Variants in CHRM3 observed in about 807,000 individuals in gnomAD.
The protein encoded by CHRM3 is muscarinic acetylcholine receptor M3.
In CHRM3, 11 loss-of-function variants were observed where a neutral mutation model predicts 41.8. That is an observed-to-expected ratio of 0.26 (90% confidence interval 0.17 to 0.44). The LOEUF (loss-of-function observed/expected upper bound fraction) is 0.44, where lower values mean the gene tolerates loss of function less well. CHRM3 is among the 20% of genes least tolerant of loss of function. CHRM3 has a pLI of 1.00. For missense variants in CHRM3, 571 were observed against 745.4 expected (o/e 0.77, Z 2.72); for synonymous variants, 297 against 301.4 (o/e 0.99, Z 0.15).
chr1:239,795,706 C>A (rs1290429780), intron 5 of CHRM3, among the ~76,000 whole-genome samples: 3 of 152,144 alleles, frequency 2.0e-5, no homozygotes, highest in Non-Finnish European at 4.4e-5. Flanking sequence ...ACTGTCACCT[C>A]AAAATTAGGA....
At chr1:239,786,039 T>G (rs758343274) in intron 5 of CHRM3, among the ~76,000 whole-genome samples, 1 of 152,200 alleles carries the variant, frequency 6.6e-6, no homozygotes, top group Non-Finnish European at 1.5e-5. Context: ...AAACATATTA[T>G]CTCAAGTTAT....
chr1:239,403,976 G>GGGGAGAGAGA lies in CHRM3; in HGVS notation c.-521+16750_-521+16751insGGAGAGAGAG, dbSNP rs1417317293. 6.0e-4 allele frequency among the ~76,000 whole-genome samples: 28 copies of GGGGAGAGAGA among 46,504 alleles called. 1 individual carries two copies. Among genetic ancestry groups the GGGGAGAGAGA allele is most frequent in the South Asian group, 1.9e-3 (1 of 528 alleles). The allele number at this position is 46,504 out of a possible 152,430, so 30.5% of individuals were successfully genotyped here. A position where few individuals can be genotyped will look rare whatever the true frequency, so the allele number is the denominator to read the frequency against. On this transcript the variant is annotated intron_variant, in intron 1 of 6. Transcript: ENST00000676153. ...GGGAGGGAGGGAGGGAGAGGGAGGG[G>GGGGAGAGAGA]GAGAGAGAGAGAGAGAGAGAGAGAG...
intron 5 of CHRM3, among the ~76,000 whole-genome samples, chr1:239,802,732 G>T (rs1407243631): frequency 2.0e-5 from 3 of 152,058 alleles, no homozygotes; most frequent in African/African-American, 7.2e-5. Context: ...CGTGTAGCTG[G>T]GACTACAGGT....
intron 2 of CHRM3, among the ~76,000 whole-genome samples, chr1:239,509,984 G>T (rs371730334): frequency 6.8e-4 from 104 of 152,270 alleles, no homozygotes; most frequent in Middle Eastern, 3.4e-3. Context: ...AGCTACTTGG[G>T]AGGCTGAGGC....
chr1:239,813,901 A>G (rs533111834), intron 5 of CHRM3, among the ~76,000 whole-genome samples: 9 of 101,244 alleles, frequency 8.9e-5, no homozygotes, highest in Non-Finnish European at 1.7e-4. Context: ...TGGGCGACAG[A>G]GCGAGACTCC....
intron 2 of CHRM3, among the ~76,000 whole-genome samples, chr1:239,534,056 A>C (rs1657952145): frequency 6.6e-6 from 1 of 152,150 alleles, no homozygotes; most frequent in Non-Finnish European, 1.5e-5. Context: ...GGCTGGGTGC[A>C]GTGGCTTATG....
chr1:239,560,661 A>AATATATATGTGTGTATAT (rs1660768854), intron 3 of CHRM3, among the ~76,000 whole-genome samples: 1 of 152,014 alleles, frequency 6.6e-6, no homozygotes, highest in Non-Finnish European at 1.5e-5. Context: ...TGCAACTTTA[A>AATATATATGTGTGTATAT]ATATATATGT....
intron 5 of CHRM3, among the ~76,000 whole-genome samples, chr1:239,700,532 T>G (rs1660586604): frequency 6.6e-6 from 1 of 152,138 alleles, no homozygotes; most frequent in African/African-American, 2.4e-5. Flanking sequence ...TGATAACCCC[T>G]CAGAACTTTG....
chr1:239,395,562 T>G lies in CHRM3; in HGVS notation c.-521+8335T>G, dbSNP rs149246089. ...CTTTCCCCTCCTGCTACCAATATCT[T>G]AATTCATCATTTCTGCAACTTAAAT... On this transcript the variant is annotated intron_variant, in intron 1 of 6. Transcript: ENST00000676153. Among the ~76,000 whole-genome samples the G allele has an allele frequency of 2.5e-3, 386 of 152,292 alleles. 3 individuals are homozygous for G. The highest frequency in any genetic ancestry group is 5.6e-3 in the South Asian group (27 of 4,818).
At chr1:239,611,416 C>CTTTTTTTTT (rs75352638) in intron 3 of CHRM3, among the ~76,000 whole-genome samples, 4 of 96,222 alleles carry the variant, frequency 4.2e-5, no homozygotes, top group Non-Finnish European at 3.9e-5. Flanking sequence ...TTGCAAGTGA[C>CTTTTTTTTT]TTTTTTTTTT....
At position 239,401,659 on chromosome 1, in the gene CHRM3, T is replaced by G. The variant is rs569305081; in HGVS notation, c.-521+14432T>G. On this transcript the variant is annotated intron_variant, in intron 1 of 6. Coordinates refer to ENST00000676153, the MANE Select transcript of CHRM3 (RefSeq NM_001375978.1). ...GCACACACCACCACACCCAGCTAAT[T>G]TTTTTGTATTTTTAGTAGAGTCGGG... 9.1e-4 allele frequency among the ~76,000 whole-genome samples: 139 copies of G among 152,018 alleles called. 1 individual carries two copies. The highest frequency in any genetic ancestry group is 3.2e-3 in the African/African-American group (134 of 41,458).
intron 1 of CHRM3, among the ~76,000 whole-genome samples, chr1:239,412,947 G>A (rs991266690): frequency 1.6e-4 from 24 of 151,746 alleles, no homozygotes; most frequent in Middle Eastern, 3.2e-3. Context: ...GCATGGTGGC[G>A]CACATCTATA....
chr1:239,740,312 T>A (rs1328611845), intron 5 of CHRM3, among the ~76,000 whole-genome samples: 1 of 152,170 alleles, frequency 6.6e-6, no homozygotes, highest in Non-Finnish European at 1.5e-5. Context: ...TGAAGTGCTT[T>A]GCATAAAATT....
intron 2 of CHRM3, among the ~76,000 whole-genome samples, chr1:239,534,269 T>C (rs917088977): frequency 6.6e-6 from 1 of 152,196 alleles, no homozygotes; most frequent in African/African-American, 2.4e-5. Flanking sequence ...GAAGTTGCAG[T>C]GAGCTGAGAT....
At chr1:239,677,636 G>T (rs2149085434) in intron 4 of CHRM3, among the ~76,000 whole-genome samples, 1 of 152,268 alleles carries the variant, frequency 6.6e-6, no homozygotes. Context: ...GGGAGACACA[G>T]TCAACGTTTT....
chr1:239,856,482 C>T (rs1675130379), intron 6 of CHRM3, among the ~76,000 whole-genome samples: 1 of 152,086 alleles, frequency 6.6e-6, no homozygotes, highest in African/African-American at 2.4e-5. Flanking sequence ...GCTTCCCTTT[C>T]GTCTTTCTCC....
At chr1:239,662,105 A>ATGTGTGTGTGTGTG (rs57202092) in intron 4 of CHRM3, among the ~76,000 whole-genome samples, 30 of 144,832 alleles carry the variant, frequency 2.1e-4, no homozygotes, top group African/African-American at 7.1e-4. Context: ...TCAGTTTTAG[A>ATGTGTGTGTGTGTG]TGTGTGTGTG....
chr1:239,817,794 A>G (rs1226605272), intron 5 of CHRM3, among the ~76,000 whole-genome samples: 1 of 152,118 alleles, frequency 6.6e-6, no homozygotes, highest in Non-Finnish European at 1.5e-5. Flanking sequence ...CCCATTAAGC[A>G]GCTACAATGT....
intron 4 of CHRM3, among the ~76,000 whole-genome samples, chr1:239,656,530 A>G (rs1219548456): frequency 6.6e-6 from 1 of 152,094 alleles, no homozygotes; most frequent in East Asian, 1.9e-4. Context: ...AATCCCAGCT[A>G]CTTGGAAGGC....
Sources: allele counts gnomAD v4.1 joint callset (sites outside exome capture counted in the v4.1 genomes callset), GRCh38; gene constraint gnomAD v4.1.1; transcripts MANE v1.5; gene names NCBI Gene and HGNC (gene_info 2026-07-23, HGNC 2026-07-21).